The following ZNF804A variants were observed in gnomAD, a reference collection of about 807,000 sequenced individuals.
The protein encoded by ZNF804A is zinc finger protein 804A.
Under a neutral mutation model 16.5 loss-of-function variants are expected in ZNF804A, and 2 were observed. That is an observed-to-expected ratio of 0.12 (90% confidence interval 0.05 to 0.38). The LOEUF is 0.38. Ranked by LOEUF, ZNF804A falls within the 10% of genes least tolerant of loss-of-function variation. The probability of loss-of-function intolerance (pLI) is 0.99; values close to 1 mark genes in which losing one functional copy is unlikely to be tolerated. For synonymous variants in ZNF804A, 534 were observed against 489.6 expected (o/e 1.09, Z -1.20); for missense variants, 1,473 against 1,390.7 (o/e 1.06, Z -0.94).
chr2:184,771,371 C>T lies in ZNF804A; in HGVS notation c.112-94998C>T, dbSNP rs905613551. Among the ~76,000 whole-genome samples, 25 of 151,920 alleles carry T rather than the reference C, an allele frequency of 1.6e-4. 1 individual carries two copies. Among genetic ancestry groups the T allele is most frequent in the African/African-American group, 5.3e-4 (22 of 41,464 alleles). On this transcript the variant is annotated intron_variant, in intron 1 of 3. Coordinates refer to ENST00000302277, the MANE Select transcript of ZNF804A (RefSeq NM_194250.2). ...TATTTAATATATCACAGTTTCTGTA[C>T]GTCAGGTGTCCAGACAGGTTTTGCT...
intron 1 of ZNF804A, among the ~76,000 whole-genome samples, chr2:184,710,181 A>G (rs953115074): frequency 6.6e-6 from 1 of 150,864 alleles, no homozygotes; most frequent in African/African-American, 2.4e-5. Context: ...TAAACTGTAC[A>G]TATGTACTTA....
At chr2:184,759,906 C>G (rs915218746) in intron 1 of ZNF804A, among the ~76,000 whole-genome samples, 5 of 152,120 alleles carry the variant, frequency 3.3e-5, no homozygotes, top group Admixed American at 2.0e-4. Flanking sequence ...ACCTCTATCT[C>G]CCTTTGCTGA....
chr2:184,933,143 G>GCA lies in ZNF804A; in HGVS notation c.256-439_256-438dup, dbSNP rs35560626. On this transcript the variant is annotated intron_variant, in intron 2 of 3. Coordinates refer to ENST00000302277, the MANE Select transcript of ZNF804A (RefSeq NM_194250.2). ...AAACTTTTCACTTACACACACACACGCACACACACACACACACACACAGAC... is the reference window on the plus strand; with the variant it reads ...AAACTTTTCACTTACACACACACACGCACACACACACACACACACACACAGAC... Among the ~76,000 whole-genome samples the GCA allele has an allele frequency of 1.0e-3, 153 of 148,472 alleles. 1 individual carries two copies. Among genetic ancestry groups the GCA allele is most frequent in the South Asian group, 1.7e-3 (8 of 4,640 alleles).
At chr2:184,817,096 G>A (rs117533872) in intron 1 of ZNF804A, among the ~76,000 whole-genome samples, 3 of 151,914 alleles carry the variant, frequency 2.0e-5, no homozygotes, top group African/African-American at 7.2e-5. Context: ...GTAAAACCAT[G>A]AGCATTTGGA....
intron 1 of ZNF804A, among the ~76,000 whole-genome samples, chr2:184,864,171 C>T (rs561492000): frequency 1.1e-3 from 166 of 152,152 alleles, no homozygotes; most frequent in Non-Finnish European, 2.0e-3. Context: ...CTGATGAGGG[C>T]CTCAGGCTGC....
intron 1 of ZNF804A, among the ~76,000 whole-genome samples, chr2:184,629,235 T>C (rs147496421): frequency 2.0e-5 from 3 of 152,268 alleles, no homozygotes; most frequent in Non-Finnish European, 2.9e-5. Context: ...TTATTGTGTC[T>C]CTTGTCAGAG....
intron 1 of ZNF804A, among the ~76,000 whole-genome samples, chr2:184,671,497 T>C (rs1298495466): frequency 2.0e-5 from 3 of 152,138 alleles, no homozygotes; most frequent in African/African-American, 7.2e-5. Flanking sequence ...CTTTGTATTA[T>C]ATGGACCTAT....
chr2:184,706,931 A>G (rs1433535230), intron 1 of ZNF804A, among the ~76,000 whole-genome samples: 2 of 152,208 alleles, frequency 1.3e-5, no homozygotes, highest in Non-Finnish European at 2.9e-5. Context: ...CAGAGTTTAT[A>G]TGTGTATTTC....
intron 1 of ZNF804A, among the ~76,000 whole-genome samples, chr2:184,613,629 C>T (rs1244676579): frequency 6.6e-6 from 1 of 151,932 alleles, no homozygotes; most frequent in African/African-American, 2.4e-5. Flanking sequence ...TTAATTAATT[C>T]TTCTAAGGCA....
intron 1 of ZNF804A, among the ~76,000 whole-genome samples, chr2:184,619,061 G>C (rs947681149): frequency 6.6e-6 from 1 of 152,008 alleles, no homozygotes; most frequent in African/African-American, 2.4e-5. Context: ...GAATGGGAGG[G>C]AGCAGGGAGG....
chr2:184,663,468 G>T (rs555677711), intron 1 of ZNF804A, among the ~76,000 whole-genome samples: 2 of 152,118 alleles, frequency 1.3e-5, no homozygotes, highest in Non-Finnish European at 2.9e-5. Flanking sequence ...GGGTGCCTCG[G>T]TGTGGGCCTG....
chr2:184,938,383 C>T lies in ZNF804A; in HGVS notation c.2987C>T (p.Ser996Leu). The part of the protein sequence containing the change: ...ETPTEWLRYN[S>L]GILNTQPPLP... ...CCAACTGAGTGGCTGCGTTATAATT[C>T]AGGAATCCTTAACACACAACCACCA... The change falls in exon 4 of 4, where the codon TCA (serine) becomes TTA (leucine). Residue 996 changes from serine to leucine, a missense_variant. By Grantham distance (145) the Ser-to-Leu change is moderately radical. Coordinates refer to ENST00000302277, the MANE Select transcript of ZNF804A (RefSeq NM_194250.2). 6.2e-7 allele frequency: 1 copy of T among 1,614,096 alleles called. No individual in the cohort carries two copies. The highest frequency in any genetic ancestry group is 8.5e-7 in the Non-Finnish European group (1 of 1,180,012).
chr2:184,761,787 T>A (rs1694039688), intron 1 of ZNF804A, among the ~76,000 whole-genome samples: 1 of 152,268 alleles, frequency 6.6e-6, no homozygotes, highest in African/African-American at 2.4e-5. Context: ...GTGTCTGCAA[T>A]TGTTTGAAGG....
At chr2:184,639,451 T>G (rs1467467670) in intron 1 of ZNF804A, among the ~76,000 whole-genome samples, 1 of 152,154 alleles carries the variant, frequency 6.6e-6, no homozygotes, top group African/African-American at 2.4e-5. Flanking sequence ...TGTGAAACTT[T>G]ATGGCTGTTC....
At chr2:184,933,305 T>A (rs1299285751) in intron 2 of ZNF804A, among the ~76,000 whole-genome samples, 4 of 152,132 alleles carry the variant, frequency 2.6e-5, no homozygotes, top group Non-Finnish European at 4.4e-5. Context: ...GAATCCTTCA[T>A]CTGAATTACG....
At chr2:184,801,523 C>T (rs993419882) in intron 1 of ZNF804A, among the ~76,000 whole-genome samples, 1 of 152,112 alleles carries the variant, frequency 6.6e-6, no homozygotes, top group Non-Finnish European at 1.5e-5. Flanking sequence ...TGGTAAGTGT[C>T]TATTAACATA....
At chr2:184,669,805 T>C (rs573297482) in intron 1 of ZNF804A, among the ~76,000 whole-genome samples, 1 of 151,872 alleles carries the variant, frequency 6.6e-6, no homozygotes, top group African/African-American at 2.4e-5. Context: ...TTTCTCTAAA[T>C]TAGTTTCAGC....
intron 2 of ZNF804A, among the ~76,000 whole-genome samples, chr2:184,894,455 AT>A (rs1685035448): frequency 6.6e-6 from 1 of 151,868 alleles, no homozygotes; most frequent in African/African-American, 2.4e-5. Context: ...TTATTAACGT[AT>A]TTTTATTGGC....
intron 1 of ZNF804A, among the ~76,000 whole-genome samples, chr2:184,749,175 C>G (rs1328905916): frequency 6.6e-6 from 1 of 151,216 alleles, no homozygotes; most frequent in African/African-American, 2.4e-5. Flanking sequence ...AGAAGTATGA[C>G]CATTTTAATG....
Sources: allele counts gnomAD v4.1 joint callset (sites outside exome capture counted in the v4.1 genomes callset), GRCh38; gene constraint gnomAD v4.1.1; transcripts MANE v1.5; gene names NCBI Gene and HGNC (gene_info 2026-07-23, HGNC 2026-07-21).